Variants in MARCHF3 observed in about 807,000 individuals in gnomAD.
MARCHF3 encodes the protein E3 ubiquitin-protein ligase MARCHF3.
In MARCHF3, 13 loss-of-function variants were observed where a neutral mutation model predicts 24.2. The observed-to-expected ratio is 0.54, with a 90% CI of 0.35 to 0.85. MARCHF3 has a LOEUF of 0.85. Among genes scored for constraint, MARCHF3 ranks in the 40% least tolerant of loss-of-function variants. The pLI, the probability that MARCHF3 is intolerant of heterozygous loss-of-function variation, is 0.01. For synonymous variants in MARCHF3, 144 were observed against 137.3 expected (o/e 1.05, Z -0.34); for missense variants, 276 against 325.0 (o/e 0.85, Z 1.16).
rs556798236 is a variant in MARCHF3, at chr5:126,927,392, T to TGAACCTCTTTAGG, written c.-56-9178_-56-9166dup. Among the ~76,000 whole-genome samples, 24 of 152,264 alleles carry TGAACCTCTTTAGG rather than the reference T, an allele frequency of 1.6e-4. 1 individual carries two copies. Among genetic ancestry groups the TGAACCTCTTTAGG allele is most frequent in the Admixed American group, 3.9e-4 (6 of 15,296 alleles). On this transcript the variant is annotated intron_variant, in intron 1 of 4. Coordinates refer to ENST00000308660, the MANE Select transcript of MARCHF3 (RefSeq NM_178450.5). Reference sequence around the variant, plus strand: ...TATGTACCTCAATGCAAAGCACTTATGAACCTCTTTAGGGAACCTCTTTAG... The same window carrying TGAACCTCTTTAGG: ...TATGTACCTCAATGCAAAGCACTTATGAACCTCTTTAGGGAACCTCTTTAGGGAACCTCTTTAG...
At chr5:126,875,146 T>C (rs1016812733) in intron 4 of MARCHF3, among the ~76,000 whole-genome samples, 6 of 152,236 alleles carry the variant, frequency 3.9e-5, no homozygotes, top group South Asian at 2.1e-4. Context: ...TCTCTTTGTG[T>C]CTGTCTACGG....
At chr5:127,015,610 T>C (rs1485506825) in intron 1 of MARCHF3, among the ~76,000 whole-genome samples, 1 of 152,206 alleles carries the variant, frequency 6.6e-6, no homozygotes, top group Non-Finnish European at 1.5e-5. Flanking sequence ...TTCATTTCTG[T>C]CAACCCCTTC....
intron 1 of MARCHF3, among the ~76,000 whole-genome samples, chr5:126,955,618 C>A (rs1217858862): frequency 6.6e-6 from 1 of 152,186 alleles, no homozygotes; most frequent in African/African-American, 2.4e-5. Flanking sequence ...CTGTGTATTG[C>A]CTGAGGGTAT....
intron 3 of MARCHF3, among the ~76,000 whole-genome samples, chr5:126,912,945 C>T (rs547754712): frequency 6.6e-6 from 1 of 152,268 alleles, no homozygotes; most frequent in Admixed American, 6.5e-5. Flanking sequence ...TTTTTGTAGG[C>T]GAGGCCCTAA....
intron 1 of MARCHF3, among the ~76,000 whole-genome samples, chr5:126,967,059 G>A (rs575409927): frequency 1.3e-4 from 20 of 149,492 alleles, no homozygotes; most frequent in Admixed American, 2.7e-4. Context: ...AGATTTTGGC[G>A]CACCCATCAC....
At chr5:126,902,821 G>A (rs1191970774) in intron 3 of MARCHF3, among the ~76,000 whole-genome samples, 2 of 152,064 alleles carry the variant, frequency 1.3e-5, no homozygotes, top group Non-Finnish European at 2.9e-5. Flanking sequence ...AGGATTGTTG[G>A]GGTGTGGTCA....
chr5:126,993,168 G>A (rs1561463754), intron 1 of MARCHF3, among the ~76,000 whole-genome samples: 2 of 152,118 alleles, frequency 1.3e-5, no homozygotes, highest in Admixed American at 6.5e-5. Flanking sequence ...TGATTTTTCC[G>A]TTGAGTATAA....
At chr5:127,003,953 T>C (rs1376092532) in intron 1 of MARCHF3, among the ~76,000 whole-genome samples, 2 of 152,108 alleles carry the variant, frequency 1.3e-5, no homozygotes, top group African/African-American at 4.8e-5. Flanking sequence ...CCTGTTTGTT[T>C]TGGCCCCTGC....
At chr5:126,916,692 G>GACACACACACACAC (rs34090036) in intron 2 of MARCHF3, among the ~76,000 whole-genome samples, 6,208 of 130,374 alleles carry the variant, frequency 0.048, 245 homozygotes, top group African/African-American at 0.057. Context: ...CAGACAGACA[G>GACACACACACACAC]ACACACACAC....
intron 1 of MARCHF3, among the ~76,000 whole-genome samples, chr5:127,008,894 T>TTTA (rs1752396681): frequency 2.3e-5 from 1 of 43,574 alleles, no homozygotes; most frequent in African/African-American, 6.7e-5. Flanking sequence ...TATTTATTTA[T>TTTA]TTATTTATTT....
chr5:126,975,872 C>T (rs1751177249), intron 1 of MARCHF3, among the ~76,000 whole-genome samples: 2 of 152,238 alleles, frequency 1.3e-5, no homozygotes, highest in Non-Finnish European at 2.9e-5. Context: ...ATAGATCAAT[C>T]TTCTCTAACT....
At chr5:126,952,980 A>G (rs1381163844) in intron 1 of MARCHF3, among the ~76,000 whole-genome samples, 1 of 152,218 alleles carries the variant, frequency 6.6e-6, no homozygotes, top group Non-Finnish European at 1.5e-5. Flanking sequence ...GTGTAATTGT[A>G]CCCTGAGAGA....
At chr5:127,010,351 C>T (rs1752435780) in intron 1 of MARCHF3, among the ~76,000 whole-genome samples, 1 of 152,180 alleles carries the variant, frequency 6.6e-6, no homozygotes, top group Admixed American at 6.5e-5. Flanking sequence ...GTATTTTGTA[C>T]ACTCCTGGAT....
At chr5:126,902,052 A>G (rs1427169126) in intron 3 of MARCHF3, among the ~76,000 whole-genome samples, 1 of 152,108 alleles carries the variant, frequency 6.6e-6, no homozygotes, top group Non-Finnish European at 1.5e-5. Context: ...GTACATTTGG[A>G]GTTAGCTGAA....
intron 1 of MARCHF3, among the ~76,000 whole-genome samples, chr5:126,963,890 A>T (rs1238262490): frequency 6.6e-6 from 1 of 152,176 alleles, no homozygotes; most frequent in Non-Finnish European, 1.5e-5. Flanking sequence ...GTAACAGAGA[A>T]CCCACCTAAG....
At chr5:126,873,583 C>T (rs1487056627) in intron 4 of MARCHF3, among the ~76,000 whole-genome samples, 1 of 152,122 alleles carries the variant, frequency 6.6e-6, no homozygotes, top group Non-Finnish European at 1.5e-5. Context: ...AACAAGACCC[C>T]CAGGTGATCC....
intron 1 of MARCHF3, among the ~76,000 whole-genome samples, chr5:126,965,952 G>T (rs1407025624): frequency 6.6e-6 from 1 of 152,172 alleles, no homozygotes; most frequent in Non-Finnish European, 1.5e-5. Flanking sequence ...AACAACAGGT[G>T]AATGGATAAA....
At chr5:126,995,374 G>T (rs1751916810) in intron 1 of MARCHF3, among the ~76,000 whole-genome samples, 1 of 152,216 alleles carries the variant, frequency 6.6e-6, no homozygotes, top group Admixed American at 6.5e-5. Flanking sequence ...TTTGCAGGTT[G>T]TTGCACATGT....
At chr5:127,005,133 C>CTTTTTTT (rs937505290) in intron 1 of MARCHF3, among the ~76,000 whole-genome samples, 2 of 122,556 alleles carry the variant, frequency 1.6e-5, no homozygotes, top group Non-Finnish European at 1.7e-5. Context: ...CTCAGAAAGT[C>CTTTTTTT]TTTTTTTTTT....
Sources: allele counts gnomAD v4.1 joint callset (sites outside exome capture counted in the v4.1 genomes callset), GRCh38; gene constraint gnomAD v4.1.1; transcripts MANE v1.5; gene names NCBI Gene and HGNC (gene_info 2026-07-23, HGNC 2026-07-21).